The following GALNT17 variants were observed in gnomAD, a reference collection of about 807,000 sequenced individuals.
GALNT17 encodes the protein polypeptide N-acetylgalactosaminyltransferase 17, also known as UDP-GalNAc:polypeptide N-acetylgalactosaminyltransferase-like 3.
A neutral mutation model predicts 63.7 loss-of-function variants in GALNT17; 29 were observed. That is an observed-to-expected ratio of 0.46 (90% CI 0.34 to 0.62). The LOEUF (loss-of-function observed/expected upper bound fraction) is 0.62. GALNT17 is among the 20% of genes least tolerant of loss of function. GALNT17 has a pLI of 0.01. For synonymous variants in GALNT17, 305 were observed against 318.3 expected, an observed-to-expected ratio of 0.96 and a Z score of 0.45; for missense variants, 603 against 799.6, an observed-to-expected ratio of 0.75 and a Z score of 2.97.
At chr7:71,472,710 C>CTAAAA (rs1357974337) in intron 5 of GALNT17, among the ~76,000 whole-genome samples, 5 of 152,050 alleles carry the variant, frequency 3.3e-5, no homozygotes, top group African/African-American at 1.2e-4. Context: ...CTAAACTAAA[C>CTAAAA]TAAAATAAAT....
intron 1 of GALNT17, among the ~76,000 whole-genome samples, chr7:71,173,283 A>G (rs1243707289): frequency 3.9e-5 from 6 of 152,166 alleles, no homozygotes; most frequent in African/African-American, 1.4e-4. Flanking sequence ...ATCTCCAGCC[A>G]TGTCAGTGTG....
At chr7:71,187,265 A>G (rs1788867243) in intron 1 of GALNT17, among the ~76,000 whole-genome samples, 1 of 149,392 alleles carries the variant, frequency 6.7e-6, no homozygotes, top group East Asian at 2.0e-4. Context: ...ACATGCCACC[A>G]TGCTTGGCTA....
chr7:71,298,892 G>A (rs1348906180), intron 1 of GALNT17, among the ~76,000 whole-genome samples: 1 of 152,130 alleles, frequency 6.6e-6, no homozygotes, highest in Non-Finnish European at 1.5e-5. Context: ...AGCTGCCCGG[G>A]ACATTGGGCC....
intron 5 of GALNT17, among the ~76,000 whole-genome samples, chr7:71,434,797 C>T (rs915005484): frequency 4.6e-5 from 7 of 152,294 alleles, no homozygotes; most frequent in African/African-American, 1.7e-4. Context: ...TATAAACTCT[C>T]TGGAGTTGTG....
intron 6 of GALNT17, among the ~76,000 whole-genome samples, chr7:71,660,713 A>G (rs1406738216): frequency 2.0e-5 from 3 of 152,198 alleles, no homozygotes; most frequent in African/African-American, 7.2e-5. Context: ...ATACCCCTCC[A>G]TAGGGGACTT....
At chr7:71,665,121 C>T (rs953057418) in intron 6 of GALNT17, among the ~76,000 whole-genome samples, 13 of 152,160 alleles carry the variant, frequency 8.5e-5, no homozygotes, top group African/African-American at 2.9e-4. Context: ...GGATTATAGG[C>T]GTGCGCCATC....
chr7:71,606,504 T>C (rs972303007), intron 6 of GALNT17, among the ~76,000 whole-genome samples: 1 of 152,212 alleles, frequency 6.6e-6, no homozygotes, highest in African/African-American at 2.4e-5. Flanking sequence ...TAATAGCATC[T>C]GCTCTTCTCT....
intron 1 of GALNT17, among the ~76,000 whole-genome samples, chr7:71,159,225 T>A (rs1788295084): frequency 7.2e-6 from 1 of 138,802 alleles, no homozygotes; most frequent in Admixed American, 7.2e-5. Context: ...CTTACAATAC[T>A]TGTCATTTTT....
intron 6 of GALNT17, among the ~76,000 whole-genome samples, chr7:71,648,607 A>G (rs1374748659): frequency 6.6e-6 from 1 of 151,870 alleles, no homozygotes; most frequent in Non-Finnish European, 1.5e-5. Flanking sequence ...ATTTTTATTT[A>G]TTTATTTTTC....
At chr7:71,162,545 T>C (rs1173503573) in intron 1 of GALNT17, among the ~76,000 whole-genome samples, 1 of 151,738 alleles carries the variant, frequency 6.6e-6, no homozygotes, top group East Asian at 1.9e-4. Context: ...TAAACGAGGT[T>C]CATTAAACTA....
At chr7:71,514,863 G>C (rs1051448201) in intron 5 of GALNT17, among the ~76,000 whole-genome samples, 1 of 152,138 alleles carries the variant, frequency 6.6e-6, no homozygotes, top group African/African-American at 2.4e-5. Flanking sequence ...TTGAATTGTA[G>C]CTCCCGTAAT....
intron 9 of GALNT17, among the ~76,000 whole-genome samples, chr7:71,682,433 T>C (rs1048317021): frequency 6.6e-6 from 1 of 152,154 alleles, no homozygotes; most frequent in African/African-American, 2.4e-5. Flanking sequence ...GTCTGGAGCC[T>C]TTATTCCTCT....
intron 1 of GALNT17, among the ~76,000 whole-genome samples, chr7:71,204,058 A>G (rs984412186): frequency 6.9e-6 from 1 of 144,216 alleles, no homozygotes; most frequent in African/African-American, 2.7e-5. Flanking sequence ...CAAGTGTTTA[A>G]TCCATTTTGA....
chr7:71,322,934 G>T (rs987446386), intron 1 of GALNT17, among the ~76,000 whole-genome samples: 1 of 152,034 alleles, frequency 6.6e-6, no homozygotes, highest in African/African-American at 2.4e-5. Context: ...TCCATCTATG[G>T]CATTTTGATA....
intron 5 of GALNT17, among the ~76,000 whole-genome samples, chr7:71,488,646 C>A (rs183757091): frequency 7.3e-6 from 1 of 136,912 alleles, no homozygotes; most frequent in Non-Finnish European, 1.5e-5. Flanking sequence ...GTGGCAGGAT[C>A]TTGGCTCACT....
At chr7:71,496,465 G>A (rs1310682235) in intron 5 of GALNT17, among the ~76,000 whole-genome samples, 1 of 152,142 alleles carries the variant, frequency 6.6e-6, no homozygotes. Context: ...CTAGCCACAG[G>A]TTGAACCAAA....
chr7:71,377,108 A>ATATATATATATAT (rs1491192562), intron 2 of GALNT17, among the ~76,000 whole-genome samples: 7 of 45,066 alleles, frequency 1.6e-4, no homozygotes, highest in Admixed American at 4.7e-4. Context: ...AAATAAAAAT[A>ATATATATATATAT]AAAAAAATAT....
At chr7:71,297,881 G>A (rs1791110965) in intron 1 of GALNT17, among the ~76,000 whole-genome samples, 4 of 152,210 alleles carry the variant, frequency 2.6e-5, no homozygotes, top group Admixed American at 2.6e-4. Flanking sequence ...TCTGGAACAG[G>A]CAAACATCAT....
rs555239520 is a variant in GALNT17 at position 71,378,315 on chromosome 7, C to G, written c.423-9920C>G. ...TCCAAAAGCGGGGCCTCGCACCTCTCAGTGATTCCAACCCCCATCTCATTT... is the reference window on the plus strand; with the variant it reads ...TCCAAAAGCGGGGCCTCGCACCTCTGAGTGATTCCAACCCCCATCTCATTT... On this transcript the variant is annotated intron_variant, in intron 2 of 10. Transcript: ENST00000333538. 4.6e-5 allele frequency among the ~76,000 whole-genome samples: 7 copies of G among 152,266 alleles called. No individual in the cohort carries two copies. In the South Asian group the frequency reaches 6.2e-4, roughly 14 times the overall value.
Sources: gnomAD v4.1 joint callset for allele counts (sites outside exome capture counted in the v4.1 genomes callset) on GRCh38, gnomAD v4.1.1 for gene constraint, MANE v1.5 for transcripts, NCBI Gene and HGNC (gene_info 2026-07-23, HGNC 2026-07-21) for gene names.